Variants in MYO3A observed in about 807,000 individuals in gnomAD.
MYO3A encodes the protein myosin-IIIa.
A neutral mutation model predicts 192.7 loss-of-function variants in MYO3A; 180 were observed. The observed-to-expected ratio is 0.93, with a 90% CI of 0.83 to 1.06. The LOEUF is 1.06. MYO3A is among the 50% of genes least tolerant of loss of function. The pLI, the probability that MYO3A is intolerant of heterozygous loss-of-function variation, is 0.00. For synonymous variants in MYO3A, 628 were observed against 645.3 expected (o/e 0.97, Z 0.41); for missense variants, 1,896 against 1,905.0 (o/e 1.00, Z 0.09).
chr10:26,083,274 G>A (rs1230482363), intron 14 of MYO3A, among the ~76,000 whole-genome samples: 1 of 152,154 alleles, frequency 6.6e-6, no homozygotes, highest in Non-Finnish European at 1.5e-5. Context: ...GATACATTGG[G>A]CAAAGGAAGG....
At chr10:26,039,175 G>T (rs1199849596) in intron 10 of MYO3A, among the ~76,000 whole-genome samples, 1 of 150,538 alleles carries the variant, frequency 6.6e-6, no homozygotes. Flanking sequence ...TGAACAGCTG[G>T]GATTACAGGC....
At chr10:26,047,787 A>G (rs529961118) in intron 10 of MYO3A, among the ~76,000 whole-genome samples, 1 of 152,036 alleles carries the variant, frequency 6.6e-6, no homozygotes, top group Non-Finnish European at 1.5e-5. Context: ...TAAAAAAATT[A>G]AAAAAGAAAG....
chr10:26,180,746 TA>T (rs1842586241), intron 31 of MYO3A, among the ~76,000 whole-genome samples: 1 of 151,452 alleles, frequency 6.6e-6, no homozygotes. Context: ...GAAATAAAGC[TA>T]GCAACCAAAC....
chr10:25,985,740 T>C (rs1839614583), intron 4 of MYO3A, among the ~76,000 whole-genome samples: 3 of 152,144 alleles, frequency 2.0e-5, no homozygotes, highest in African/African-American at 7.2e-5. Flanking sequence ...ATCAGACAGA[T>C]TCACAGCTGA....
At chr10:26,189,254 T>C (rs1053804959) in intron 31 of MYO3A, among the ~76,000 whole-genome samples, 3 of 152,230 alleles carry the variant, frequency 2.0e-5, no homozygotes, top group African/African-American at 7.2e-5. Context: ...GGACCCACTT[T>C]AATGACATCA....
chr10:25,945,331 T>C (rs1564392606), intron 2 of MYO3A, among the ~76,000 whole-genome samples: 2 of 152,096 alleles, frequency 1.3e-5, no homozygotes, highest in African/African-American at 4.8e-5. Flanking sequence ...TTGAGAAAAA[T>C]GTGTATTCTG....
At chr10:25,937,735 G>A (rs987241942) in intron 2 of MYO3A, among the ~76,000 whole-genome samples, 1 of 152,180 alleles carries the variant, frequency 6.6e-6, no homozygotes, top group Admixed American at 6.5e-5. Context: ...AAAATGAATG[G>A]TGGAGAACGG....
intron 7 of MYO3A, among the ~76,000 whole-genome samples, chr10:26,021,285 TA>T (rs1475353666): frequency 6.6e-6 from 1 of 152,198 alleles, no homozygotes; most frequent in Non-Finnish European, 1.5e-5. Context: ...TCTTCCCTTA[TA>T]TTTTAAACCT....
intron 4 of MYO3A, among the ~76,000 whole-genome samples, chr10:25,985,733 A>G (rs545261713): frequency 1.3e-4 from 20 of 152,344 alleles, no homozygotes; most frequent in Admixed American, 9.1e-4. Flanking sequence ...GTCCAGGATC[A>G]GACAGATTCA....
At position 26,047,491 on chromosome 10, in the gene MYO3A, C is replaced by G. The variant is rs530646141; in HGVS notation, c.954-19484C>G. ...GGTGTCATAAGAAAAGACACATTTCCGGCCGGGCACAGTGGCTCACGCCTG... is the reference window on the plus strand; with the variant it reads ...GGTGTCATAAGAAAAGACACATTTCGGGCCGGGCACAGTGGCTCACGCCTG... On this transcript the variant is annotated intron_variant, in intron 10 of 34. Coordinates refer to ENST00000642920, the MANE Select transcript of MYO3A (RefSeq NM_017433.5). Among the ~76,000 whole-genome samples, 3 of 152,074 alleles carry G rather than the reference C, an allele frequency of 2.0e-5. No homozygotes were observed. In the South Asian group the frequency reaches 6.2e-4, roughly 32 times the overall value.
chr10:26,119,765 A>T (rs1470162415), intron 17 of MYO3A, among the ~76,000 whole-genome samples: 1 of 152,150 alleles, frequency 6.6e-6, no homozygotes, highest in Non-Finnish European at 1.5e-5. Context: ...AGAATCATAT[A>T]TGTGTGTTAT....
chr10:26,171,165 C>T (rs1347383550), intron 29 of MYO3A, among the ~76,000 whole-genome samples: 1 of 152,022 alleles, frequency 6.6e-6, no homozygotes, highest in African/African-American at 2.4e-5. Context: ...AGGAGGGAAC[C>T]CTGCCTTGGT....
intron 31 of MYO3A, among the ~76,000 whole-genome samples, chr10:26,186,321 C>T (rs1842866810): frequency 6.9e-6 from 1 of 145,066 alleles, no homozygotes; most frequent in African/African-American, 2.6e-5. Context: ...GGCTGGAGTG[C>T]ATTGACGTGA....
chr10:26,037,807 C>T (rs939728091), intron 10 of MYO3A, among the ~76,000 whole-genome samples: 4 of 146,624 alleles, frequency 2.7e-5, no homozygotes, highest in Non-Finnish European at 6.2e-5. Context: ...CACATGGCGT[C>T]AGGAGTGAGA....
At chr10:26,168,923 A>G (rs773828946) in intron 28 of MYO3A, 49 bp downstream of exon 28, 3 of 1,551,846 alleles carry the variant, frequency 1.9e-6, no homozygotes, top group Non-Finnish European at 2.6e-6. Context: ...AAATCTTATA[A>G]TACTTCTTAC....
chr10:26,143,596 T>C lies in MYO3A; in HGVS notation c.2411T>C (p.Leu804Pro), dbSNP rs1180935956. ...SRFPKATDQTLVEKFEGNLKS... is the reference protein window; with the variant it reads ...SRFPKATDQTPVEKFEGNLKS... ...TTTCCCAAGGCCACTGACCAGACTC[T>C]TGTAGGTGAGTTTTCAGTCCAGTGT... The change falls in exon 21 of 35, where the codon CTT becomes CCT. Residue 804 changes from leucine to proline, a missense_variant. By Grantham distance (98) the Leu-to-Pro change is moderately conservative. Coordinates refer to ENST00000642920, the MANE Select transcript of MYO3A (RefSeq NM_017433.5). The C allele has an allele frequency of 6.2e-7, 1 of 1,613,998 alleles. No individual in the cohort carries two copies. The highest frequency in any genetic ancestry group is 1.3e-5 in the African/African-American group (1 of 75,058).
chr10:26,193,086 T>A (rs1387027056), intron 31 of MYO3A, 119 bp from the exon 32 acceptor site: 7 of 846,812 alleles, frequency 8.3e-6, no homozygotes, highest in Non-Finnish European at 1.3e-5. Flanking sequence ...CGTATTTCCT[T>A]TTTCTCCAGC....
At chr10:26,082,373 T>C (rs1248625534) in intron 14 of MYO3A, among the ~76,000 whole-genome samples, 2 of 152,208 alleles carry the variant, frequency 1.3e-5, no homozygotes, top group African/African-American at 4.8e-5. Context: ...TTGATTTCTT[T>C]TTCAGTTAGG....
chr10:25,984,628 A>C (rs919344333), intron 4 of MYO3A, among the ~76,000 whole-genome samples: 1 of 152,104 alleles, frequency 6.6e-6, no homozygotes, highest in Non-Finnish European at 1.5e-5. Context: ...TCGCTCTTTG[A>C]AACCACTCCA....
Sources: allele counts gnomAD v4.1 joint callset (sites outside exome capture counted in the v4.1 genomes callset), GRCh38; gene constraint gnomAD v4.1.1; transcripts MANE v1.5; gene names NCBI Gene and HGNC (gene_info 2026-07-23, HGNC 2026-07-21).